The following SMARCC1 variants were observed in gnomAD, a reference collection of about 807,000 sequenced individuals.
SMARCC1 encodes the protein SWI/SNF related BAF chromatin remodeling complex subunit C1.
In SMARCC1, 43 loss-of-function variants were observed where a neutral mutation model predicts 147.4. That is an observed-to-expected ratio of 0.29 (90% CI 0.23 to 0.38). The LOEUF (loss-of-function observed/expected upper bound fraction) is 0.38, where lower values mean the gene tolerates loss of function less well. Among genes scored for constraint, SMARCC1 ranks in the 10% least tolerant of loss-of-function variants. The pLI is 1.00. For synonymous variants in SMARCC1, 495 were observed against 484.4 expected (o/e 1.02, Z -0.29); for missense variants, 1,119 against 1,381.1 (o/e 0.81, Z 3.01).
chr3:47,594,107 G>A (rs2032229492), intron 26 of SMARCC1, among the ~76,000 whole-genome samples: 3 of 151,394 alleles, frequency 2.0e-5, no homozygotes, highest in African/African-American at 7.3e-5. Context: ...GGAGGTTGCA[G>A]TGAGCCAAGA....
At chr3:47,622,902 C>T (rs1212269482) in intron 24 of SMARCC1, among the ~76,000 whole-genome samples, 3 of 152,190 alleles carry the variant, frequency 2.0e-5, no homozygotes, top group Non-Finnish European at 4.4e-5. Context: ...CTCTGGAAGA[C>T]TCACTCCTTT....
At position 47,586,859 on chromosome 3, in the gene SMARCC1, T is replaced by A. The variant is rs2032078722; in HGVS notation, c.*1350A>T. ...AAAAAACCGGGAACTCTCAAGTCAC[T>A]TATCAGCAGGGGTAAATACGAGCTC... On this transcript the variant is annotated 3_prime_UTR_variant, in exon 28 of 28. Transcript: ENST00000254480. 6.6e-6 allele frequency: 1 copy of A among 152,574 alleles called. No individual in the cohort carries two copies. Among genetic ancestry groups the A allele is most frequent in the Non-Finnish European group, 1.5e-5 (1 of 68,048 alleles). 9.5% of individuals were successfully genotyped at this position (152,574 alleles called of 1,614,324 possible).
At chr3:47,667,899 CA>C (rs1019796250) in intron 19 of SMARCC1, among the ~76,000 whole-genome samples, 1 of 151,858 alleles carries the variant, frequency 6.6e-6, no homozygotes, top group African/African-American at 2.4e-5. Flanking sequence ...ACTGTGAACC[CA>C]GTACAGTGGC....
intron 2 of SMARCC1, among the ~76,000 whole-genome samples, chr3:47,755,422 G>A (rs1020758671): frequency 1.8e-4 from 26 of 147,816 alleles, no homozygotes; most frequent in South Asian, 6.5e-4. Flanking sequence ...GCGTGAACCC[G>A]GGAGGCAGAG....
At chr3:47,626,171 G>C (rs1462977611) in intron 24 of SMARCC1, among the ~76,000 whole-genome samples, 6 of 151,060 alleles carry the variant, frequency 4.0e-5, no homozygotes, top group African/African-American at 1.2e-4. Flanking sequence ...TTTTGAGACA[G>C]AGTCTAGCTT....
intron 4 of SMARCC1, among the ~76,000 whole-genome samples, chr3:47,737,223 T>C (rs2034454344): frequency 6.6e-6 from 1 of 151,938 alleles, no homozygotes; most frequent in Admixed American, 6.6e-5. Flanking sequence ...AAAACCCCAT[T>C]TCTACAAAAG....
rs141313160 is a variant in SMARCC1, at chr3:47,714,896, T to G, written c.717-406A>C. The stretch of plus-strand genomic sequence containing the variant: ...GTCCTTACTATTCTGCCAAGAAAGC[T>G]CCTCTGTAGAGGTCACCAGTAACGT... On this transcript the variant is annotated intron_variant, in intron 7 of 27. Transcript: ENST00000254480. Among the ~76,000 whole-genome samples, 4 of 152,294 alleles carry G rather than the reference T, an allele frequency of 2.6e-5. No homozygotes were observed. In the East Asian group the frequency reaches 7.7e-4, roughly 29 times the overall value.
At chr3:47,638,102 T>C (rs1462567518) in intron 22 of SMARCC1, among the ~76,000 whole-genome samples, 2 of 152,118 alleles carry the variant, frequency 1.3e-5, no homozygotes, top group Non-Finnish European at 1.5e-5. Flanking sequence ...CTTTTGTTGT[T>C]GTTGTTGAGA....
chr3:47,701,429 A>C, intron 10 of SMARCC1, 27 bp from the exon 11 acceptor site: 1 of 1,608,390 alleles, frequency 6.2e-7, no homozygotes, highest in East Asian at 2.2e-5. Context: ...TATGAAATAT[A>C]AACAAGACTG....
chr3:47,773,316 G>A (rs534915789), intron 1 of SMARCC1, among the ~76,000 whole-genome samples: 2 of 151,352 alleles, frequency 1.3e-5, no homozygotes, highest in South Asian at 4.2e-4. Flanking sequence ...TAGTAGAGAC[G>A]GGGTTTCACC....
chr3:47,588,377 G>A, intron 27 of SMARCC1, 71 bp from the exon 28 acceptor site: 1 of 1,423,982 alleles, frequency 7.0e-7, no homozygotes, highest in Non-Finnish European at 9.7e-7. Flanking sequence ...CCTATTCAGT[G>A]AAAAAAAGAC....
chr3:47,651,680 C>T (rs2033192349), intron 21 of SMARCC1, among the ~76,000 whole-genome samples: 1 of 152,226 alleles, frequency 6.6e-6, no homozygotes, highest in South Asian at 2.1e-4. Context: ...ATCCTTGCAA[C>T]CCTGCTTTGC....
Position 47,755,989 on chromosome 3 carries a change from TAAAAAAAAAAAA to T in SMARCC1, c.316-10008_316-9997del, listed in dbSNP as rs34001771. On this transcript the variant is annotated intron_variant, in intron 2 of 27. Coordinates refer to ENST00000254480, the MANE Select transcript of SMARCC1 (RefSeq NM_003074.4). ...CGGGTGACAGAGCCAGGCTTCATCT[TAAAAAAAAAAAA>T]AAAAAAAAAAAAAAAAAAAGGCTGG... Among the ~76,000 whole-genome samples the T allele has an allele frequency of 5.7e-4, 13 of 22,896 alleles. No individual in the cohort carries two copies. The South Asian group carries it at 7.4e-3, about 13-fold the overall frequency. The allele number at this position is 22,896 out of a possible 152,430, so 15.0% of individuals were successfully genotyped here. A position where few individuals can be genotyped will look rare whatever the true frequency, so the allele number is the denominator to read the frequency against.
chr3:47,712,141 A>C (rs2034091179), intron 8 of SMARCC1, among the ~76,000 whole-genome samples: 3 of 152,202 alleles, frequency 2.0e-5, no homozygotes, highest in Non-Finnish European at 4.4e-5. Flanking sequence ...CTGAGGCAGG[A>C]GAATCACTTG....
intron 2 of SMARCC1, among the ~76,000 whole-genome samples, chr3:47,752,114 C>T (rs2034636992): frequency 6.6e-6 from 1 of 152,092 alleles, no homozygotes; most frequent in African/African-American, 2.4e-5. Context: ...CAAACCTCTA[C>T]AGATGTGGCA....
At chr3:47,653,324 A>G (rs973279389) in intron 21 of SMARCC1, among the ~76,000 whole-genome samples, 1 of 152,206 alleles carries the variant, frequency 6.6e-6, no homozygotes, top group Non-Finnish European at 1.5e-5. Context: ...ATGAAATGTT[A>G]GATAGGTTAA....
intron 1 of SMARCC1, among the ~76,000 whole-genome samples, 200 bp downstream of exon 1, chr3:47,781,403 G>A (rs2106887644): frequency 6.6e-6 from 1 of 152,328 alleles, no homozygotes; most frequent in Middle Eastern, 3.4e-3. Flanking sequence ...TAGGCTCAGA[G>A]GAGAGAGCCC....
At chr3:47,758,380 C>CA (rs71070227) in intron 2 of SMARCC1, among the ~76,000 whole-genome samples, 14,528 of 120,426 alleles carry the variant, frequency 0.12, 773 homozygotes, top group Middle Eastern at 0.15. Context: ...TTCAGCCTCG[C>CA]AAAAAAAAAA....
Position 47,670,418 on chromosome 3 carries a change from C to CTACAAAAAA in SMARCC1, c.1899+231_1899+239dup, listed in dbSNP as rs1204819120. ...TGGACAACATGGTGAAAGCCCATTG[C>CTACAAAAAA]TACAAAAAATACAAAAATTAGCCAG... On this transcript the variant is annotated intron_variant, in intron 19 of 27. Coordinates refer to ENST00000254480, the MANE Select transcript of SMARCC1 (RefSeq NM_003074.4). The CTACAAAAAA allele has an allele frequency of 8.1e-6, 4 of 495,528 alleles. No homozygotes were observed. The Admixed American group carries it at 1.4e-4, about 18-fold the overall frequency. 30.7% of individuals were successfully genotyped at this position (495,528 alleles called of 1,614,324 possible).
Sources: gnomAD v4.1 joint callset for allele counts (sites outside exome capture counted in the v4.1 genomes callset) on GRCh38, gnomAD v4.1.1 for gene constraint, MANE v1.5 for transcripts, NCBI Gene and HGNC (gene_info 2026-07-23, HGNC 2026-07-21) for gene names.